Variants in PCDH9 observed in about 807,000 individuals in gnomAD.
PCDH9 encodes the protein protocadherin-9.
In PCDH9, 24 loss-of-function variants were observed where a neutral mutation model predicts 70.6. The ratio of observed to expected loss-of-function variants is 0.34; its 90% CI spans 0.25 to 0.48. The LOEUF (loss-of-function observed/expected upper bound fraction) is 0.48. Among genes scored for constraint, PCDH9 ranks in the 20% least tolerant of loss-of-function variants. The probability of loss-of-function intolerance (pLI) is 0.99; values close to 1 mark genes in which losing one functional copy is unlikely to be tolerated. For synonymous variants in PCDH9, 562 were observed against 558.5 expected (o/e 1.01, Z -0.09); for missense variants, 1,281 against 1,503.6 (o/e 0.85, Z 2.45).
intron 4 of PCDH9, among the ~76,000 whole-genome samples, chr13:66,429,659 T>C (rs1451635944): frequency 1.3e-5 from 2 of 151,828 alleles, no homozygotes; most frequent in African/African-American, 4.8e-5. Flanking sequence ...ACATCATTCA[T>C]AATGTCAGAA....
chr13:67,018,148 C>G (rs527441438), intron 2 of PCDH9, among the ~76,000 whole-genome samples: 21 of 152,104 alleles, frequency 1.4e-4, no homozygotes, highest in African/African-American at 4.8e-4. Flanking sequence ...CAAATTCATT[C>G]AGCAAATACT....
intron 3 of PCDH9, among the ~76,000 whole-genome samples, chr13:66,892,242 G>GTATA (rs201300461): frequency 1.4e-5 from 2 of 145,028 alleles, no homozygotes; most frequent in Admixed American, 6.9e-5. Context: ...ATGTGTGTGT[G>GTATA]TATATATATA....
At chr13:66,700,339 A>C (rs991967441) in intron 3 of PCDH9, among the ~76,000 whole-genome samples, 1 of 152,202 alleles carries the variant, frequency 6.6e-6, no homozygotes, top group African/African-American at 2.4e-5. Context: ...GCAGAAAAAA[A>C]CCAGTGTCAT....
At chr13:66,577,639 C>G (rs9529099) in intron 4 of PCDH9, among the ~76,000 whole-genome samples, 41,029 of 151,688 alleles carry the variant, frequency 0.27, 5,803 homozygotes, top group South Asian at 0.36. Flanking sequence ...TCCCCGCCCC[C>G]CTAACACACA....
chr13:67,152,998 GC>G (rs35466977), intron 2 of PCDH9, among the ~76,000 whole-genome samples: 17,794 of 151,822 alleles, frequency 0.12, 1,369 homozygotes, highest in South Asian at 0.23. Context: ...TCTCCAACTA[GC>G]CCTCATCACT....
chr13:67,049,060 A>C (rs9529176), intron 2 of PCDH9, among the ~76,000 whole-genome samples: 59,003 of 152,142 alleles, frequency 0.39, 12,209 homozygotes, highest in East Asian at 0.64. Flanking sequence ...AGATATTTCT[A>C]ATAAGAATAA....
At chr13:66,941,607 CTAATAATACA>C (rs1251289970) in intron 2 of PCDH9, among the ~76,000 whole-genome samples, 2 of 151,692 alleles carry the variant, frequency 1.3e-5, no homozygotes, top group African/African-American at 4.8e-5. Context: ...AGTGGGCATG[CTAATAATACA>C]TAAAGTAGAT....
intron 3 of PCDH9, among the ~76,000 whole-genome samples, chr13:66,736,695 C>T (rs1222571636): frequency 1.3e-5 from 2 of 152,120 alleles, no homozygotes; most frequent in African/African-American, 4.8e-5. Flanking sequence ...TTTAAATGTC[C>T]TCAAGCATGG....
intron 3 of PCDH9, among the ~76,000 whole-genome samples, chr13:66,808,562 G>A (rs1321230057): frequency 6.6e-6 from 1 of 152,132 alleles, no homozygotes; most frequent in African/African-American, 2.4e-5. Context: ...ATTTGAGGAC[G>A]TGTAAACCAG....
chr13:66,434,858 A>C (rs1030951203), intron 4 of PCDH9, among the ~76,000 whole-genome samples: 1 of 152,142 alleles, frequency 6.6e-6, no homozygotes, highest in Non-Finnish European at 1.5e-5. Flanking sequence ...TATGAAACAA[A>C]AAAGTGATGT....
chr13:67,081,338 G>A (rs1413856641), intron 2 of PCDH9, among the ~76,000 whole-genome samples: 2 of 152,182 alleles, frequency 1.3e-5, no homozygotes, highest in African/African-American at 4.8e-5. Flanking sequence ...TGAGGCCCAG[G>A]CAGATGGATC....
intron 4 of PCDH9, among the ~76,000 whole-genome samples, chr13:66,391,628 C>G (rs1482972403): frequency 1.3e-5 from 2 of 151,824 alleles, no homozygotes; most frequent in Admixed American, 1.3e-4. Context: ...GCAATTTTTC[C>G]CCCAATTCAG....
At chr13:66,590,536 G>A (rs936358164) in intron 4 of PCDH9, among the ~76,000 whole-genome samples, 18 of 151,868 alleles carry the variant, frequency 1.2e-4, no homozygotes, top group African/African-American at 4.3e-4. Context: ...ATGCTATTTA[G>A]CAGGGAATGA....
intron 4 of PCDH9, among the ~76,000 whole-genome samples, chr13:66,380,369 A>G (rs1181358145): frequency 6.6e-6 from 1 of 152,112 alleles, no homozygotes; most frequent in Non-Finnish European, 1.5e-5. Flanking sequence ...TTCCTAGTTC[A>G]TGGATTTCCT....
chr13:66,408,885 GA>G (rs552627054), intron 4 of PCDH9, among the ~76,000 whole-genome samples: 1 of 151,760 alleles, frequency 6.6e-6, no homozygotes, highest in Non-Finnish European at 1.5e-5. Flanking sequence ...TTCTGGGGAG[GA>G]AAAAAAGTCT....
At chr13:66,779,500 C>T (rs1428008763) in intron 3 of PCDH9, among the ~76,000 whole-genome samples, 1 of 152,054 alleles carries the variant, frequency 6.6e-6, no homozygotes, top group South Asian at 2.1e-4. Flanking sequence ...ATATATTGCA[C>T]GATCTCACTT....
intron 3 of PCDH9, among the ~76,000 whole-genome samples, chr13:66,729,137 C>T (rs1463035096): frequency 6.6e-6 from 1 of 152,010 alleles, no homozygotes; most frequent in Non-Finnish European, 1.5e-5. Context: ...ATCTAACATG[C>T]CTATAGCAGA....
At chr13:66,987,638 T>C (rs74347562) in intron 2 of PCDH9, among the ~76,000 whole-genome samples, 3,838 of 152,092 alleles carry the variant, frequency 0.025, 173 homozygotes, top group African/African-American at 0.087. Flanking sequence ...TTATGAAGAA[T>C]TGCATAATTG....
intron 2 of PCDH9, chr13:67,210,276 A>G (rs1241144099): frequency 1.3e-5 from 2 of 152,076 alleles, no homozygotes; most frequent in Non-Finnish European, 2.9e-5. Context: ...AAGAGAAAAA[A>G]GTTAATTTTC....
Sources: gnomAD v4.1 joint callset for allele counts (sites outside exome capture counted in the v4.1 genomes callset) on GRCh38, gnomAD v4.1.1 for gene constraint, MANE v1.5 for transcripts, NCBI Gene and HGNC (gene_info 2026-07-23, HGNC 2026-07-21) for gene names.